NOS3: variants seen among roughly 807,000 people sequenced by gnomAD.
NOS3 encodes NOS type III.
A neutral mutation model predicts 144.9 loss-of-function variants in NOS3; 98 were observed. That is an observed-to-expected ratio of 0.68 (90% CI 0.57 to 0.80). The LOEUF (loss-of-function observed/expected upper bound fraction) is 0.80. Ranked by LOEUF, NOS3 falls within the 30% of genes least tolerant of loss-of-function variation. NOS3 has a pLI of 0.00. For missense variants in NOS3, 1,465 were observed against 1,656.4 expected (o/e 0.88, Z 2.01); for synonymous variants, 714 against 702.4 (o/e 1.02, Z -0.26).
Position 151,010,545 on chromosome 7 carries a change from G to A in NOS3, c.2686-52G>A, listed in dbSNP as rs374709286. 1,151 of 1,477,872 alleles carry A rather than the reference G, an allele frequency of 7.8e-4. 1 individual carries two copies. The highest frequency in any genetic ancestry group is 2.3e-3 in the Admixed American group (107 of 46,322). The allele number at this position is 1,477,872 out of a possible 1,614,324, so 91.5% of individuals were successfully genotyped here. A position where few individuals can be genotyped will look rare whatever the true frequency, so the allele number is the denominator to read the frequency against. ...AGTGGGGGAGGGGTCAAGAAGGGAG[G>A]TTACTAGGAAGGGCTATGGGGCCTC... On this transcript the variant is annotated intron_variant, in intron 21 of 26. Transcript: ENST00000297494.
At chr7:151,011,435 G>A (rs1208676577) in intron 23 of NOS3, among the ~76,000 whole-genome samples, 1 of 151,048 alleles carries the variant, frequency 6.6e-6, no homozygotes, top group Admixed American at 6.6e-5. Flanking sequence ...CCCCAGAGAT[G>A]GAGTCTTGCT....
At chr7:150,997,078 G>A (rs927037221) in intron 5 of NOS3, among the ~76,000 whole-genome samples, 153 bp downstream of exon 5, 49 of 152,142 alleles carry the variant, frequency 3.2e-4, no homozygotes, top group Non-Finnish European at 7.4e-5. Flanking sequence ...TAGGGGGACT[G>A]CCCCACCCTC....
chr7:151,007,157 C>T lies in NOS3; in HGVS notation c.1993C>T (p.Arg665Cys), dbSNP rs749461448. The change falls in exon 17 of 27, where the codon CGT becomes TGT. Residue 665 changes from arginine to cysteine, a missense_variant. Physicochemically the swap from Arg to Cys is radical, Grantham distance 180. Transcript: ENST00000297494. ...RAYPHFCAFA[R>C]AVDTRLEELG... ...ATACCCCCACTTCTGCGCCTTTGCT[C>T]GTGCCGTGGACACACGGCTGGAGGA... 1.6e-5 allele frequency: 26 copies of T among 1,613,926 alleles called. No individual in the cohort carries two copies. The East Asian group carries it at 3.3e-4, about 21-fold the overall frequency.
At chr7:151,000,276 A>G (rs1327915299) in intron 9 of NOS3, among the ~76,000 whole-genome samples, 4 of 152,012 alleles carry the variant, frequency 2.6e-5, no homozygotes, top group African/African-American at 9.7e-5. Flanking sequence ...GAGATGAGAA[A>G]TTAAAGCCTG....
intron 17 of NOS3, 146 bp from the exon 18 acceptor site, chr7:151,008,784 C>G: frequency 1.1e-6 from 1 of 903,406 alleles, no homozygotes; most frequent in Non-Finnish European, 1.6e-6. Flanking sequence ...AATGGGCTGG[C>G]GGAAAAGGTG....
chr7:151,011,879 C>G (rs1199599607), intron 23 of NOS3: 1 of 419,566 alleles, frequency 2.4e-6, no homozygotes, highest in Admixed American at 2.8e-5. Flanking sequence ...GAAGTCTTGC[C>G]CGCTCTCGCA....
At position 151,001,941 on chromosome 7, in the gene NOS3, C is replaced by T; in HGVS notation, c.1623C>T (p.Leu541=). ...AQSYAQQLGR[L]FRKAFDPRVL... is the part of the protein sequence containing the mutation. ...GCTACGCACAGCAGCTGGGGAGACT[C>T]TTCCGGAAGGCTTTTGATCCCCGGG... The change falls in exon 13 of 27, where the codon CTC becomes CTT. Residue 541 remains leucine (L), a synonymous_variant. Transcript: ENST00000297494. 2.5e-6 allele frequency: 4 copies of T among 1,613,556 alleles called. No homozygotes were observed. Among genetic ancestry groups the T allele is most frequent in the Non-Finnish European group, 3.4e-6 (4 of 1,180,024 alleles).
In NOS3 at chr7:150,999,050, C is replaced by T. The variant is rs201990553; in HGVS notation, c.921C>T (p.Pro307=). ...DDPPELFLLP[P]ELVLEVPLEH... ...CCCCAGAACTCTTCCTTCTGCCCCC[C>T]GAGCTGGTCCTTGAGGTGCCCCTGG... The change falls in exon 8 of 27, where the codon CCC becomes CCT. Residue 307 remains proline (P), a synonymous_variant. Coordinates refer to ENST00000297494, the MANE Select transcript of NOS3 (RefSeq NM_000603.5). 6.3e-5 allele frequency: 101 copies of T among 1,612,526 alleles called. No individual in the cohort carries two copies. Among genetic ancestry groups the T allele is most frequent in the South Asian group, 2.0e-4 (18 of 91,088 alleles).
intron 5 of NOS3, among the ~76,000 whole-genome samples, chr7:150,997,221 G>A (rs998121799): frequency 2.6e-5 from 4 of 151,598 alleles, no homozygotes; most frequent in Non-Finnish European, 5.9e-5. Flanking sequence ...CTGCAGGGGT[G>A]AGGAAGTCTA....
Position 150,998,361 on chromosome 7 carries a change from T to C in NOS3, c.587T>C (p.Phe196Ser). 6.2e-7 allele frequency: 1 copy of C among 1,611,508 alleles called. No individual in the cohort carries two copies. Among genetic ancestry groups the C allele is most frequent in the Non-Finnish European group, 8.5e-7 (1 of 1,179,610 alleles). Reference sequence around the variant, plus strand: ...CCGCTGCCTCGGCTGGCTCAGGTGTTCGATGCCCGGGACTGCAGGTCTGCA... The same window carrying C: ...CCGCTGCCTCGGCTGGCTCAGGTGTCCGATGCCCGGGACTGCAGGTCTGCA... ...GRIQWGKLQV[F>S]DARDCRSAQE... The change falls in exon 6 of 27, where the codon TTC becomes TCC. Residue 196 changes from phenylalanine to serine, a missense_variant. Around this residue, in one of 5 missense-constraint regions of NOS3, gnomAD observed 374 missense variants for 377.0 expected, o/e 0.99. Coordinates refer to ENST00000297494, the MANE Select transcript of NOS3 (RefSeq NM_000603.5). The surrounding 1 kb of genome is among the most constrained non-coding windows in gnomAD (Gnocchi z 5.0).
chr7:150,999,868 C>T (rs374436628), intron 9 of NOS3, among the ~76,000 whole-genome samples: 16 of 31,864 alleles, frequency 5.0e-4, no homozygotes, highest in African/African-American at 2.1e-3. Context: ...TAGGGGTAGG[C>T]GAGTGTGGGT....
At chr7:151,012,965 G>C in intron 24 of NOS3, 1 of 513,436 alleles carries the variant, frequency 1.9e-6, no homozygotes, top group Non-Finnish European at 3.4e-6. Context: ...CAAAGGGCAT[G>C]GAATTCTGAG....
intron 9 of NOS3, 146 bp downstream of exon 9, chr7:150,999,510 A>G: frequency 5.8e-6 from 5 of 855,846 alleles, no homozygotes; most frequent in African/African-American, 1.7e-5. Flanking sequence ...GACAAGCTCT[A>G]GAACCACTGA....
chr7:150,997,061 G>C lies in NOS3; in HGVS notation c.582+136G>C. 2.7e-6 allele frequency: 3 copies of C among 1,124,222 alleles called. No individual in the cohort carries two copies. In the South Asian group the frequency reaches 4.8e-5, roughly 18 times the overall value. The allele number at this position is 1,124,222 out of a possible 1,614,324, so 69.6% of individuals were successfully genotyped here. A position where few individuals can be genotyped will look rare whatever the true frequency, so the allele number is the denominator to read the frequency against. ...ATCCTTGCCTTTTCCCTTAGAGACT[G>C]GAAAGGTAGGGGGACTGCCCCACCC... On this transcript the variant is annotated intron_variant, in intron 5 of 26. Coordinates refer to ENST00000297494, the MANE Select transcript of NOS3 (RefSeq NM_000603.5).
chr7:150,999,365 G>C lies in NOS3; in HGVS notation c.1131+1G>C. On this transcript the variant is annotated splice_donor_variant, in intron 9 of 26. Coordinates refer to ENST00000297494, the MANE Select transcript of NOS3 (RefSeq NM_000603.5). LOFTEE classifies it high-confidence loss of function. ...CCCTCACCGCTACAACATCCTGGAG[G>C]TGAGGTGCGGGATGGGGCTCGGGCA... The C allele has an allele frequency of 6.4e-7, 1 of 1,567,140 alleles. No homozygotes were observed. Among genetic ancestry groups the C allele is most frequent in the Non-Finnish European group, 8.7e-7 (1 of 1,154,832 alleles).
intron 5 of NOS3, 33 bp downstream of exon 5, chr7:150,996,958 G>C (rs375190779): frequency 6.5e-7 from 1 of 1,539,758 alleles, no homozygotes; most frequent in Non-Finnish European, 8.8e-7. Flanking sequence ...AGACCCGGGC[G>C]CTACCAAAAG....
Position 151,014,306 on chromosome 7 carries a change from T to G in NOS3, c.*137T>G. Reference sequence around the variant, plus strand: ...GTCCAGAGGCTGCAAGGATTCAGCATTATTCCTCCAGGAAGGAGCAAAACG... The same window carrying G: ...GTCCAGAGGCTGCAAGGATTCAGCAGTATTCCTCCAGGAAGGAGCAAAACG... On this transcript the variant is annotated 3_prime_UTR_variant, in exon 27 of 27. Transcript: ENST00000297494. 4.2e-6 allele frequency: 4 copies of G among 947,666 alleles called. No individual in the cohort carries two copies. The highest frequency in any genetic ancestry group is 6.1e-6 in the Non-Finnish European group (4 of 654,084). 58.7% of individuals were successfully genotyped at this position (947,666 alleles called of 1,614,324 possible).
intron 14 of NOS3, among the ~76,000 whole-genome samples, chr7:151,004,191 G>A (rs3918178): frequency 0.011 from 1,659 of 152,258 alleles, 30 homozygotes; most frequent in African/African-American, 0.038. Flanking sequence ...ACAAAAATTA[G>A]CTGGGCATGG....
chr7:150,997,286 G>A lies in NOS3; in HGVS notation c.582+361G>A, dbSNP rs578239235. ...CCTGCTGCGGGGGTGAGGAAGTCTA[G>A]ACCTGCTGCGGGGGTGAGGACAGCT... On this transcript the variant is annotated intron_variant, in intron 5 of 26. Transcript: ENST00000297494. 1.1e-3 allele frequency among the ~76,000 whole-genome samples: 157 copies of A among 145,138 alleles called. 1 individual carries two copies. In the Middle Eastern group the frequency reaches 0.018, roughly 17 times the overall value.
Sources: allele counts gnomAD v4.1 joint callset (sites outside exome capture counted in the v4.1 genomes callset), GRCh38; gene constraint gnomAD v4.1.1; regional missense constraint gnomAD v4.1.1; non-coding constraint Gnocchi (gnomAD v3.1); transcripts MANE v1.5; gene names NCBI Gene and HGNC (gene_info 2026-07-23, HGNC 2026-07-21).